The following TKTL1 variants were observed in gnomAD, a reference collection of about 807,000 sequenced individuals.
The protein encoded by TKTL1 is transketolase like 1.
Under a neutral mutation model 39.3 loss-of-function variants are expected in TKTL1, and 1 was observed. That is an observed-to-expected ratio of 0.03 (90% CI 0.01 to 0.12). The LOEUF is 0.12. Ranked by LOEUF, TKTL1 falls within the 10% of genes least tolerant of loss-of-function variation. TKTL1 has a pLI of 1.00. For synonymous variants in TKTL1, 262 were observed against 193.8 expected (o/e 1.35, Z -2.92); for missense variants, 575 against 509.6 (o/e 1.13, Z -1.24).
chrX:154,328,296 CACTT>C (rs2067508910), intron 12 of TKTL1, among the ~76,000 whole-genome samples: 1 of 109,761 alleles, frequency 9.1e-6, no homozygotes, highest in Non-Finnish European at 1.9e-5. Context: ...GTCATCCCAG[CACTT>C]TGGGAGGCCG....
intron 1 of TKTL1, among the ~76,000 whole-genome samples, chrX:154,303,558 C>T (rs1557166471): frequency 1.9e-5 from 2 of 104,895 alleles, no homozygotes; most frequent in South Asian, 4.4e-4. Flanking sequence ...ATTCCCTCTT[C>T]CCTCGTCTTC....
intron 1 of TKTL1, among the ~76,000 whole-genome samples, chrX:154,300,345 T>C (rs1250749060): frequency 1.8e-5 from 2 of 112,447 alleles, no homozygotes; most frequent in East Asian, 5.6e-4. Flanking sequence ...TTGCATTGAA[T>C]CTGTAGATTG....
chrX:154,312,137 A>G (rs2067362871), intron 5 of TKTL1, among the ~76,000 whole-genome samples: 1 of 111,847 alleles, frequency 8.9e-6, no homozygotes, highest in Non-Finnish European at 1.9e-5. Flanking sequence ...CAAACTTCTC[A>G]TACCCACAAG....
In TKTL1 at chrX:154,312,591, G is replaced by T; in HGVS notation, c.682G>T (p.Ala228Ser). The T allele has an allele frequency of 8.3e-7, 1 of 1,208,436 alleles. No individual in the cohort carries two copies. Among genetic ancestry groups the T allele is most frequent in the South Asian group, 1.8e-5 (1 of 56,493 alleles). The change falls in exon 6 of 13, where the codon GCA (alanine) becomes TCA (serine). Residue 228 changes from alanine (A) to serine (S), a missense_variant. Coordinates refer to ENST00000369915, the MANE Select transcript of TKTL1 (RefSeq NM_012253.4). The stretch of plus-strand genomic sequence containing the variant: ...TTGTTTCATTACAGGTATTGAGGAT[G>T]CAGAAAGTTGGCATGCAAAGCCAAT... ...KGRGTPSIEDAESWHAKPMPR... is the reference protein window; with the variant it reads ...KGRGTPSIEDSESWHAKPMPR...
intron 9 of TKTL1, among the ~76,000 whole-genome samples, chrX:154,323,793 T>C (rs2067471721): frequency 8.9e-6 from 1 of 112,208 alleles, no homozygotes; most frequent in Non-Finnish European, 1.9e-5. Flanking sequence ...GAACCCGGGT[T>C]CCCTGGCCCT....
chrX:154,300,176 C>T (rs1385562668), intron 1 of TKTL1, among the ~76,000 whole-genome samples: 3 of 111,201 alleles, frequency 2.7e-5, no homozygotes, highest in Non-Finnish European at 5.7e-5. Context: ...CCACCACTGC[C>T]AGCTAATTTT....
At chrX:154,311,319 G>A (rs1164318691) in intron 5 of TKTL1, 81 bp downstream of exon 5, 11 of 1,150,824 alleles carry the variant, frequency 9.6e-6, no homozygotes, top group South Asian at 1.9e-5. Context: ...GGCTTAGAGG[G>A]GCCTAGGCAG....
Position 154,329,922 on chromosome X carries a change from G to A in TKTL1, c.*234G>A, listed in dbSNP as rs2067524548. On this transcript the variant is annotated 3_prime_UTR_variant, in exon 13 of 13. Transcript: ENST00000369915. ...TTAAAGGGAGTTACACAACTTTTAAGTGAAAAAAATAGGTAACAAAACAAC... is the reference window on the plus strand; with the variant it reads ...TTAAAGGGAGTTACACAACTTTTAAATGAAAAAAATAGGTAACAAAACAAC... 1 of 325,329 alleles carries A rather than the reference G, an allele frequency of 3.1e-6. No individual in the cohort carries two copies. The highest frequency in any genetic ancestry group is 2.6e-5 in the African/African-American group (1 of 37,794). The allele number at this position is 325,329 out of a possible 1,213,427, so 26.8% of individuals were successfully genotyped here.
Position 154,305,200 on chromosome X carries a change from G to T in TKTL1, c.135-104G>T, listed in dbSNP as rs377061458. The T allele has an allele frequency of 2.5e-6, 3 of 1,178,136 alleles. No homozygotes were observed. In the African/African-American group the frequency reaches 5.3e-5, roughly 21 times the overall value. On this transcript the variant is annotated intron_variant, in intron 1 of 12. Coordinates refer to ENST00000369915, the MANE Select transcript of TKTL1 (RefSeq NM_012253.4). ...CCTTACCCTTGGTTGGATTCTTCCC[G>T]GGCTGGGAGAAATGACCGCTTCTAT...
At position 154,320,840 on chromosome X, in the gene TKTL1, T is replaced by C. The variant is rs782417458; in HGVS notation, c.1113T>C (p.Phe371=). ...TTGCTGCCTTTCTGACTCGAGCATT[T>C]GATCACATCCGGATAGGAGGCCTCG... ...STFAAFLTRA[F]DHIRIGGLAE... is the part of the protein sequence containing the mutation. The change falls in exon 8 of 13, where the codon TTT becomes TTC. Residue 371 remains phenylalanine (F), a synonymous_variant. Coordinates refer to ENST00000369915, the MANE Select transcript of TKTL1 (RefSeq NM_012253.4). 6.6e-5 allele frequency: 80 copies of C among 1,209,480 alleles called. No homozygotes were observed. The highest frequency in any genetic ancestry group is 2.3e-4 in the Middle Eastern group (1 of 4,374).
chrX:154,296,913 G>C lies in TKTL1; in HGVS notation c.134+920G>C, dbSNP rs1249482962. ...TGCCTGTAGTCCCAGCTACGCGGGAGGCTGAGAGGCTCAGGTTACAGTGAA... is the reference window on the plus strand; with the variant it reads ...TGCCTGTAGTCCCAGCTACGCGGGACGCTGAGAGGCTCAGGTTACAGTGAA... On this transcript the variant is annotated intron_variant, in intron 1 of 12. Transcript: ENST00000369915. Among the ~76,000 whole-genome samples, 4 of 111,879 alleles carry C rather than the reference G, an allele frequency of 3.6e-5. No individual in the cohort carries two copies. In the East Asian group the frequency reaches 1.1e-3, roughly 32 times the overall value.
chrX:154,319,563 AC>A (rs2067432079), intron 7 of TKTL1, among the ~76,000 whole-genome samples: 1 of 111,325 alleles, frequency 9.0e-6, no homozygotes. Flanking sequence ...ATATGGTGAA[AC>A]CTCGTCCCTA....
chrX:154,318,321 T>A (rs1027640458), intron 7 of TKTL1, among the ~76,000 whole-genome samples: 20 of 111,051 alleles, frequency 1.8e-4, no homozygotes, highest in Admixed American at 9.6e-5. Context: ...ATGCCATTAA[T>A]GATGACACTG....
chrX:154,305,159 C>A, intron 1 of TKTL1, 145 bp from the exon 2 acceptor site: 1 of 1,178,705 alleles, frequency 8.5e-7, no homozygotes, highest in Non-Finnish European at 1.1e-6. Context: ...CCCTTCCAAC[C>A]TGTGAGCCCT....
intron 12 of TKTL1, among the ~76,000 whole-genome samples, chrX:154,329,035 C>T (rs1180942778): frequency 3.6e-5 from 4 of 112,401 alleles, no homozygotes; most frequent in Non-Finnish European, 5.6e-5. Flanking sequence ...CCTGTTGGCA[C>T]CCTCTGCCAG....
chrX:154,327,007 G>T (rs1411598733), intron 10 of TKTL1, among the ~76,000 whole-genome samples: 1 of 112,007 alleles, frequency 8.9e-6, no homozygotes, highest in African/African-American at 3.2e-5. Flanking sequence ...AATAATTCCA[G>T]ATGCCTCCGA....
At chrX:154,321,983 C>T (rs184861522) in intron 8 of TKTL1, among the ~76,000 whole-genome samples, 83 of 110,322 alleles carry the variant, frequency 7.5e-4, no homozygotes, top group Non-Finnish European at 1.3e-3. Context: ...GAGAAAGTGA[C>T]TCTAGGTTCC....
chrX:154,311,714 T>A (rs2067359016), intron 5 of TKTL1, among the ~76,000 whole-genome samples: 1 of 111,791 alleles, frequency 8.9e-6, no homozygotes, highest in East Asian at 2.8e-4. Flanking sequence ...GTTTAACTCA[T>A]CACAAAGAGT....
chrX:154,302,157 T>C (rs1403430022), intron 1 of TKTL1, among the ~76,000 whole-genome samples: 2 of 111,028 alleles, frequency 1.8e-5, no homozygotes, highest in African/African-American at 6.6e-5. Context: ...TCAGTGATAC[T>C]CCAGACTTTC....
Sources: gnomAD v4.1 joint callset for allele counts (sites outside exome capture counted in the v4.1 genomes callset) on GRCh38, gnomAD v4.1.1 for gene constraint, MANE v1.5 for transcripts, NCBI Gene and HGNC (gene_info 2026-07-23, HGNC 2026-07-21) for gene names.